USP6NL: variants seen among roughly 807,000 people sequenced by gnomAD.
USP6NL encodes the protein USP6 N-terminal like, also known as USP6 N-terminal-like protein.
In USP6NL, 26 loss-of-function variants were observed where a neutral mutation model predicts 61.9. The observed-to-expected ratio is 0.42, with a 90% confidence interval of 0.31 to 0.58. USP6NL has a LOEUF of 0.58. Ranked by LOEUF, USP6NL falls within the 20% of genes least tolerant of loss-of-function variation. The probability of loss-of-function intolerance (pLI) is 0.16; values close to 1 mark genes in which losing one functional copy is unlikely to be tolerated. For synonymous variants in USP6NL, 432 were observed against 390.1 expected (o/e 1.11, Z -1.27); for missense variants, 1,114 against 1,034.3 (o/e 1.08, Z -1.06).
At chr10:11,471,419 G>A (rs974353469) in intron 14 of USP6NL, among the ~76,000 whole-genome samples, 3 of 152,144 alleles carry the variant, frequency 2.0e-5, no homozygotes, top group Admixed American at 6.5e-5. Context: ...TCAGTGTGGC[G>A]ATTCCTCAAG....
chr10:11,591,947 G>A lies in USP6NL; in HGVS notation c.4+5684C>T, dbSNP rs908096304. Among the ~76,000 whole-genome samples, 1 of 152,108 alleles carries A rather than the reference G, an allele frequency of 6.6e-6. No homozygotes were observed. The highest frequency in any genetic ancestry group is 2.4e-5 in the African/African-American group (1 of 41,410). On this transcript the variant is annotated intron_variant, in intron 2 of 14. Transcript: ENST00000609104. This position sits in a 1 kb window ranked among gnomAD's most constrained non-coding sequence, Gnocchi z 4.7. ...TGCAGTGGCTCAATCTCAGCTCACT[G>A]CAACCTCCACCTCCTGGGTTCAAGC...
At chr10:11,577,060 CTTT>C (rs200482211) in intron 2 of USP6NL, among the ~76,000 whole-genome samples, 3 of 133,076 alleles carry the variant, frequency 2.3e-5, no homozygotes, top group Admixed American at 7.6e-5. Flanking sequence ...CTTTAGAATT[CTTT>C]TTTTTTTTTT....
In USP6NL at chr10:11,482,449, A is replaced by T. The variant is rs1833238853; in HGVS notation, c.926-527T>A. On this transcript the variant is annotated intron_variant, in intron 13 of 14. Coordinates refer to ENST00000609104, the MANE Select transcript of USP6NL (RefSeq NM_014688.5). This position sits in a 1 kb window ranked among gnomAD's most constrained non-coding sequence, Gnocchi z 4.0. Reference sequence around the variant, plus strand: ...AATATGAACACAAAGCAGAAAGTAAAAATCTGCTCATTACATAATACCCTA... The same window carrying T: ...AATATGAACACAAAGCAGAAAGTAATAATCTGCTCATTACATAATACCCTA... Among the ~76,000 whole-genome samples, 1 of 152,274 alleles carries T rather than the reference A, an allele frequency of 6.6e-6. No homozygotes were observed. The highest frequency in any genetic ancestry group is 2.4e-5 in the African/African-American group (1 of 41,476).
chr10:11,479,215 A>C (rs929672626), intron 14 of USP6NL, among the ~76,000 whole-genome samples: 4 of 152,182 alleles, frequency 2.6e-5, no homozygotes, highest in African/African-American at 9.7e-5. Context: ...AAAAGCAAGA[A>C]GCCATAGGGA....
At position 11,462,747 on chromosome 10, in the gene USP6NL, C is replaced by T. The variant is rs1424560937; in HGVS notation, c.2181G>A (p.Val727=). The change falls in exon 15 of 15, where the codon GTG becomes GTA. Residue 727 remains valine (V), a synonymous_variant. Coordinates refer to ENST00000609104, the MANE Select transcript of USP6NL (RefSeq NM_014688.5). ...ATGTTCTGTTATCTGGCAAGTAATC[C>T]ACTGGTGGAATGATCAATTTTCCAT... ...PKNGKLIIPP[V]DYLPDNRTWS... is the part of the protein sequence containing the mutation. 5.6e-6 allele frequency: 9 copies of T among 1,613,960 alleles called. No individual in the cohort carries two copies. Among genetic ancestry groups the T allele is most frequent in the Non-Finnish European group, 6.8e-6 (8 of 1,179,884 alleles).
At chr10:11,516,883 A>C (rs1395926804) in intron 5 of USP6NL, among the ~76,000 whole-genome samples, 1 of 152,136 alleles carries the variant, frequency 6.6e-6, no homozygotes, top group Non-Finnish European at 1.5e-5. Flanking sequence ...ATTTTGAAAA[A>C]CAATATTCCT....
At chr10:11,545,047 T>G (rs926593326) in intron 2 of USP6NL, among the ~76,000 whole-genome samples, 1 of 152,192 alleles carries the variant, frequency 6.6e-6, no homozygotes, top group Non-Finnish European at 1.5e-5. Flanking sequence ...GAAAGGACAC[T>G]TATTTTTCAC....
chr10:11,485,898 T>C lies in USP6NL; in HGVS notation c.678A>G (p.Gln226=). 2 of 1,548,802 alleles carry C rather than the reference T, an allele frequency of 1.3e-6. No homozygotes were observed. Among genetic ancestry groups the C allele is most frequent in the Non-Finnish European group, 1.7e-6 (2 of 1,147,354 alleles). Residue 226 remains glutamine, a synonymous_variant, in exon 11 of 15, where the codon CAA becomes CAG. Coordinates refer to ENST00000609104, the MANE Select transcript of USP6NL (RefSeq NM_014688.5). This position sits in a 1 kb window ranked among gnomAD's most constrained non-coding sequence, Gnocchi z 4.8. The part of the protein sequence containing the change: ...PKHAMHGFFV[Q]GFPKLLRFQE... ...GAAACCTCAAGAGTTTAGGAAAACCTTGGACAAAAAAGCCTAGAATACAAA... is the reference window on the plus strand; with the variant it reads ...GAAACCTCAAGAGTTTAGGAAAACCCTGGACAAAAAAGCCTAGAATACAAA...
chr10:11,482,126 G>C lies in USP6NL; in HGVS notation c.926-204C>G, dbSNP rs143006981. Among the ~76,000 whole-genome samples the C allele has an allele frequency of 6.6e-6, 1 of 152,216 alleles. No individual in the cohort carries two copies. Among genetic ancestry groups the C allele is most frequent in the Non-Finnish European group, 1.5e-5 (1 of 68,008 alleles). On this transcript the variant is annotated intron_variant, in intron 13 of 14. Transcript: ENST00000609104. This position sits in a 1 kb window ranked among gnomAD's most constrained non-coding sequence, Gnocchi z 4.0. The stretch of plus-strand genomic sequence containing the variant: ...TTAAAGCAGCCACAGAGAAAAGCAG[G>C]AAAGTTTACTGGGAGAAAGGATGGG...
In USP6NL at chr10:11,510,366, T is replaced by A. The variant is rs185525316; in HGVS notation, c.196-691A>T. ...GAGATTATTAGGGTTTGTTTTTTTT[T>A]AATCAAATGCAATGTGGGAAAGAAT... is the stretch of plus-strand genomic sequence containing the variant. On this transcript the variant is annotated intron_variant, in intron 5 of 14. Transcript: ENST00000609104. This position sits in a 1 kb window ranked among gnomAD's most constrained non-coding sequence, Gnocchi z 4.8. 8.5e-5 allele frequency among the ~76,000 whole-genome samples: 13 copies of A among 152,192 alleles called. No individual in the cohort carries two copies. In the East Asian group the frequency reaches 2.1e-3, roughly 25 times the overall value.
chr10:11,544,464 A>G (rs538437612), intron 2 of USP6NL, among the ~76,000 whole-genome samples: 2 of 152,290 alleles, frequency 1.3e-5, no homozygotes, highest in South Asian at 2.1e-4. Context: ...GAATGCATTT[A>G]TAACAGTAAT....
intron 2 of USP6NL, among the ~76,000 whole-genome samples, chr10:11,559,053 C>G (rs543379051): frequency 6.6e-6 from 1 of 152,096 alleles, no homozygotes; most frequent in Non-Finnish European, 1.5e-5. Flanking sequence ...TTCAAAATAT[C>G]GGAAACAAGA....
chr10:11,559,126 T>C (rs929888028), intron 2 of USP6NL, among the ~76,000 whole-genome samples: 15 of 152,170 alleles, frequency 9.9e-5, no homozygotes, highest in African/African-American at 3.1e-4. Flanking sequence ...AAGTCTTTTC[T>C]AAAACCAGGT....
intron 2 of USP6NL, among the ~76,000 whole-genome samples, chr10:11,593,990 T>TG (rs775894412): frequency 2.0e-5 from 3 of 152,180 alleles, no homozygotes; most frequent in Non-Finnish European, 2.9e-5. Flanking sequence ...AGAAAAATAT[T>TG]GGGGGGGAAA....
At position 11,534,456 on chromosome 10, in the gene USP6NL, T is replaced by A. The variant is rs559664071; in HGVS notation, c.5-6889A>T. Reference sequence around the variant, plus strand: ...TCCAAATGCCAACTGCGTAGCTGCATAGAGAGCAACCTGTCTACATTAGAA... The same window carrying A: ...TCCAAATGCCAACTGCGTAGCTGCAAAGAGAGCAACCTGTCTACATTAGAA... On this transcript the variant is annotated intron_variant, in intron 2 of 14. Coordinates refer to ENST00000609104, the MANE Select transcript of USP6NL (RefSeq NM_014688.5). 2.6e-5 allele frequency among the ~76,000 whole-genome samples: 4 copies of A among 152,336 alleles called. No homozygotes were observed. In the South Asian group the frequency reaches 8.3e-4, roughly 32 times the overall value.
intron 10 of USP6NL, among the ~76,000 whole-genome samples, chr10:11,488,075 T>G (rs1344283917): frequency 6.6e-6 from 1 of 152,158 alleles, no homozygotes; most frequent in Non-Finnish European, 1.5e-5. Flanking sequence ...GGGAAAATAA[T>G]TTTGCATTAT....
rs918461958 is a variant in USP6NL, at chr10:11,598,095, T to C, written c.-83-378A>G. On this transcript the variant is annotated intron_variant, in intron 1 of 14. Coordinates refer to ENST00000609104, the MANE Select transcript of USP6NL (RefSeq NM_014688.5). This position sits in a 1 kb window ranked among gnomAD's most constrained non-coding sequence, Gnocchi z 4.7. ...GCCCACATCATCCCTGCTGAGTATA[T>C]TTTGACTGCACATAAATGATTAATG... Among the ~76,000 whole-genome samples, 2 of 152,224 alleles carry C rather than the reference T, an allele frequency of 1.3e-5. No homozygotes were observed. Among genetic ancestry groups the C allele is most frequent in the Non-Finnish European group, 2.9e-5 (2 of 68,038 alleles).
At chr10:11,515,597 TAA>T (rs769380483) in intron 5 of USP6NL, among the ~76,000 whole-genome samples, 2 of 152,346 alleles carry the variant, frequency 1.3e-5, no homozygotes, top group South Asian at 4.1e-4. Flanking sequence ...AGAATTGAGT[TAA>T]ATTGTAGAGT....
chr10:11,515,494 A>AC (rs1290012622), intron 5 of USP6NL, among the ~76,000 whole-genome samples: 1 of 152,194 alleles, frequency 6.6e-6, no homozygotes, highest in East Asian at 1.9e-4. Context: ...ACAGGTGATA[A>AC]CCTAAGACTT....
Sources: gnomAD v4.1 joint callset for allele counts (sites outside exome capture counted in the v4.1 genomes callset) on GRCh38, gnomAD v4.1.1 for gene constraint, Gnocchi (gnomAD v3.1) non-coding constraint, MANE v1.5 for transcripts, NCBI Gene and HGNC (gene_info 2026-07-23, HGNC 2026-07-21) for gene names.